ATAD2B: variants seen among roughly 807,000 people sequenced by gnomAD.
ATAD2B encodes the protein ATPase family AAA domain-containing protein 2B.
Under a neutral mutation model 167.6 loss-of-function variants are expected in ATAD2B, and 40 were observed. The ratio of observed to expected loss-of-function variants is 0.24; its 90% CI spans 0.19 to 0.31. The LOEUF is 0.31. Ranked by LOEUF, ATAD2B falls within the 10% of genes least tolerant of loss-of-function variation. ATAD2B has a pLI of 1.00. For missense variants in ATAD2B, 1,242 were observed against 1,757.2 expected (o/e 0.71, Z 5.24); for synonymous variants, 579 against 596.5 (o/e 0.97, Z 0.43).
At chr2:23,803,169 C>T (rs565729748) in intron 18 of ATAD2B, among the ~76,000 whole-genome samples, 52 of 152,178 alleles carry the variant, frequency 3.4e-4, no homozygotes, top group Middle Eastern at 3.4e-3. Flanking sequence ...TCTTTTACTA[C>T]CGATATTAAC....
At position 23,761,636 on chromosome 2, in the gene ATAD2B, C is replaced by T. The variant is rs535331158; in HGVS notation, c.3394+573G>A. Among the ~76,000 whole-genome samples the T allele has an allele frequency of 2.0e-5, 3 of 152,262 alleles. 1 individual carries two copies. The highest frequency in any genetic ancestry group is 1.3e-4 in the Admixed American group (2 of 15,290). On this transcript the variant is annotated intron_variant, in intron 24 of 27. Coordinates refer to ENST00000238789, the MANE Select transcript of ATAD2B (RefSeq NM_017552.4). ...AAACAGAAGAACTCTATTAGAAAGA[C>T]GCAGTGTTTATTAACATTTGACTTT...
chr2:23,715,567 C>T, the ATAD2B span, among the ~76,000 whole-genome samples: 2 of 150,852 alleles, frequency 1.3e-5, no homozygotes, highest in African/African-American at 4.9e-5. Flanking sequence ...GAGCAAGACT[C>T]TGTCTCAAAA....
At chr2:23,769,684 A>G (rs1300465098) in intron 22 of ATAD2B, among the ~76,000 whole-genome samples, 1 of 148,724 alleles carries the variant, frequency 6.7e-6, no homozygotes, top group Non-Finnish European at 1.5e-5. Flanking sequence ...GACGATTATT[A>G]CAAGTGTTTA....
rs577436176 is a variant in ATAD2B, at chr2:23,894,212, T to A, written c.368+1607A>T. On this transcript the variant is annotated intron_variant, in intron 2 of 27. Transcript: ENST00000238789. ...TATATGAAATATCGGCCAGGCACGG[T>A]GGCTCGTGCCTGTAATCCCAGCACT... Among the ~76,000 whole-genome samples, 23 of 152,060 alleles carry A rather than the reference T, an allele frequency of 1.5e-4. 1 individual carries two copies. In the South Asian group the frequency reaches 4.4e-3, roughly 29 times the overall value.
intron 7 of ATAD2B, among the ~76,000 whole-genome samples, chr2:23,877,788 C>T (rs979680461): frequency 2.7e-5 from 4 of 147,314 alleles, no homozygotes; most frequent in Non-Finnish European, 4.5e-5. Context: ...TGAACCAGGG[C>T]GGTAGAAGCT....
chr2:23,731,567 C>A, the ATAD2B span, among the ~76,000 whole-genome samples: 7 of 152,310 alleles, frequency 4.6e-5, no homozygotes, highest in Non-Finnish European at 8.8e-5. Flanking sequence ...AACAGAAATA[C>A]AATGCCAGCC....
intron 6 of ATAD2B, chr2:23,883,450 C>T (rs1351733949): frequency 1.3e-5 from 3 of 237,144 alleles, no homozygotes; most frequent in African/African-American, 7.0e-5. Context: ...ATCTAAATAT[C>T]CAAAACATTA....
At chr2:23,831,409 G>A (rs1689059194) in intron 14 of ATAD2B, among the ~76,000 whole-genome samples, 1 of 152,148 alleles carries the variant, frequency 6.6e-6, no homozygotes, top group African/African-American at 2.4e-5. Flanking sequence ...GAAATAGCAA[G>A]AGTCATGATA....
At chr2:23,743,562 CAAAAAAA>C in the ATAD2B span, among the ~76,000 whole-genome samples, 3 of 83,190 alleles carry the variant, frequency 3.6e-5, no homozygotes, top group East Asian at 1.3e-3. Flanking sequence ...AAATCCGACT[CAAAAAAA>C]AAAAAAAAAG....
Position 23,908,016 on chromosome 2 carries a change from G to C in ATAD2B, c.217-12046C>G, listed in dbSNP as rs188249756. On this transcript the variant is annotated intron_variant, in intron 1 of 27. Coordinates refer to ENST00000238789, the MANE Select transcript of ATAD2B (RefSeq NM_017552.4). ...AGATGGATTAAAGACTTAAGCGTTA[G>C]ACCTAAAACCATAAAAACCCTAGAA... 1.4e-3 allele frequency among the ~76,000 whole-genome samples: 206 copies of C among 152,106 alleles called. 1 individual carries two copies. Among genetic ancestry groups the C allele is most frequent in the African/African-American group, 4.8e-3 (198 of 41,460 alleles).
intron 1 of ATAD2B, among the ~76,000 whole-genome samples, chr2:23,908,724 C>T (rs1330909924): frequency 1.3e-5 from 2 of 151,996 alleles, no homozygotes; most frequent in Admixed American, 6.6e-5. Flanking sequence ...ATAGCAAAGA[C>T]TTGGAACCAA....
chr2:23,901,663 G>C (rs977095539), intron 1 of ATAD2B, among the ~76,000 whole-genome samples: 7 of 152,062 alleles, frequency 4.6e-5, no homozygotes, highest in Admixed American at 3.3e-4. Flanking sequence ...AGAAAGGAGG[G>C]CTCATGGTGA....
At chr2:23,726,728 A>G in the ATAD2B span, among the ~76,000 whole-genome samples, 1 of 152,230 alleles carries the variant, frequency 6.6e-6, no homozygotes, top group Admixed American at 6.5e-5. Flanking sequence ...TAAGGACACT[A>G]TGGTAAATTA....
intron 14 of ATAD2B, 101 bp from the exon 15 acceptor site, chr2:23,829,040 C>T (rs1688651268): frequency 2.8e-6 from 2 of 702,506 alleles, no homozygotes; most frequent in South Asian, 1.9e-5. Flanking sequence ...CAAATTTTGA[C>T]TAACAATCCC....
chr2:23,703,190 G>T, the ATAD2B span: 1 of 1,441,340 alleles, frequency 6.9e-7, no homozygotes, highest in Non-Finnish European at 9.2e-7. Flanking sequence ...CTGCAGGTAC[G>T]ACACCATCAC....
chr2:23,824,206 C>G (rs984818968), intron 15 of ATAD2B, among the ~76,000 whole-genome samples: 14 of 152,184 alleles, frequency 9.2e-5, no homozygotes, highest in Non-Finnish European at 1.9e-4. Flanking sequence ...AAGTGATCCA[C>G]CCGCCTCAGC....
At chr2:23,742,455 C>CA in the ATAD2B span, among the ~76,000 whole-genome samples, 3 of 148,376 alleles carry the variant, frequency 2.0e-5, no homozygotes, top group Non-Finnish European at 4.4e-5. Context: ...ATCGCAAGGA[C>CA]AAAAAACCAA....
the ATAD2B span, chr2:23,691,580 C>T: frequency 4.3e-5 from 45 of 1,052,998 alleles, no homozygotes; most frequent in African/African-American, 4.2e-4. Flanking sequence ...AAACCAAGGG[C>T]ATGACCAAGG....
chr2:23,819,389 G>T (rs1687087929), intron 17 of ATAD2B, among the ~76,000 whole-genome samples: 1 of 151,880 alleles, frequency 6.6e-6, no homozygotes, highest in African/African-American at 2.4e-5. Context: ...TACTCAGGAG[G>T]CTGAGGTACG....
Sources: allele counts gnomAD v4.1 joint callset (sites outside exome capture counted in the v4.1 genomes callset), GRCh38; gene constraint gnomAD v4.1.1; transcripts MANE v1.5; gene names NCBI Gene and HGNC (gene_info 2026-07-23, HGNC 2026-07-21).